Variants in GALNT17 observed in about 807,000 individuals in gnomAD.
GALNT17 encodes the protein polypeptide N-acetylgalactosaminyltransferase 17.
Under a neutral mutation model 63.7 loss-of-function variants are expected in GALNT17, and 29 were observed. That is an observed-to-expected ratio of 0.46 (90% CI 0.34 to 0.62). GALNT17 has a LOEUF of 0.62. GALNT17 is among the 20% of genes least tolerant of loss of function. GALNT17 has a pLI of 0.01. For synonymous variants in GALNT17, 305 were observed against 318.3 expected (o/e 0.96, Z 0.45); for missense variants, 603 against 799.6 (o/e 0.75, Z 2.97).
At chr7:71,474,720 C>G (rs1787695368) in intron 5 of GALNT17, among the ~76,000 whole-genome samples, 1 of 152,154 alleles carries the variant, frequency 6.6e-6, no homozygotes, top group Non-Finnish European at 1.5e-5. Flanking sequence ...GCAGCTATCC[C>G]TACAGCAATG....
At chr7:71,679,379 G>A (rs1346126724) in intron 9 of GALNT17, among the ~76,000 whole-genome samples, 4 of 152,150 alleles carry the variant, frequency 2.6e-5, no homozygotes, top group African/African-American at 9.7e-5. Context: ...GGGTGACAGA[G>A]TGAGACCTTG....
intron 1 of GALNT17, among the ~76,000 whole-genome samples, chr7:71,174,468 A>C (rs1405222241): frequency 6.6e-6 from 1 of 152,182 alleles, no homozygotes; most frequent in Non-Finnish European, 1.5e-5. Flanking sequence ...GTCCGTGTGA[A>C]GAGACCACTA....
At chr7:71,301,170 C>G (rs1791188823) in intron 1 of GALNT17, among the ~76,000 whole-genome samples, 1 of 151,586 alleles carries the variant, frequency 6.6e-6, no homozygotes, top group South Asian at 2.1e-4. Context: ...GCCTGTAGTC[C>G]CAGCTACTCG....
At chr7:71,199,699 AT>A (rs1186773290) in intron 1 of GALNT17, among the ~76,000 whole-genome samples, 31 of 134,642 alleles carry the variant, frequency 2.3e-4, no homozygotes, top group African/African-American at 6.0e-4. Flanking sequence ...CCATCCATCC[AT>A]CCATCCATCC....
At chr7:71,539,076 G>A (rs1467115220) in intron 5 of GALNT17, among the ~76,000 whole-genome samples, 3 of 152,130 alleles carry the variant, frequency 2.0e-5, no homozygotes, top group Non-Finnish European at 2.9e-5. Context: ...GATTCCAGGC[G>A]TGAGCCACCG....
rs114136107 is a variant in GALNT17 at position 71,425,743 on chromosome 7, G to A, written c.962+4638G>A. Among the ~76,000 whole-genome samples the A allele has an allele frequency of 4.0e-3, 611 of 152,080 alleles. 3 individuals carry two copies. Among genetic ancestry groups the A allele is most frequent in the African/African-American group, 0.014 (568 of 41,450 alleles). Reference sequence around the variant, plus strand: ...AGCTTTCATTTATGCAACTTACACCGGCAGTGGGCACCTGTGGTATGTATT... The same window carrying A: ...AGCTTTCATTTATGCAACTTACACCAGCAGTGGGCACCTGTGGTATGTATT... On this transcript the variant is annotated intron_variant, in intron 5 of 10. Transcript: ENST00000333538.
chr7:71,309,298 C>T (rs1791369070), intron 1 of GALNT17, among the ~76,000 whole-genome samples: 2 of 152,106 alleles, frequency 1.3e-5, no homozygotes, highest in South Asian at 4.2e-4. Flanking sequence ...TCCTGTTTGT[C>T]TTTCCAGCCT....
chr7:71,496,670 C>T (rs943649619), intron 5 of GALNT17, among the ~76,000 whole-genome samples: 3 of 152,086 alleles, frequency 2.0e-5, no homozygotes, highest in Non-Finnish European at 4.4e-5. Context: ...CTGTCCTAAG[C>T]CCCCAGCTGC....
intron 2 of GALNT17, among the ~76,000 whole-genome samples, chr7:71,384,695 G>A (rs996635698): frequency 6.6e-6 from 1 of 152,198 alleles, no homozygotes; most frequent in African/African-American, 2.4e-5. Flanking sequence ...CTGGTGTGAG[G>A]CTGTCATTGC....
At chr7:71,496,704 A>C (rs1163805443) in intron 5 of GALNT17, among the ~76,000 whole-genome samples, 2 of 152,036 alleles carry the variant, frequency 1.3e-5, no homozygotes, top group Non-Finnish European at 2.9e-5. Context: ...AAGAGCCATG[A>C]AAACAGAGTG....
intron 1 of GALNT17, among the ~76,000 whole-genome samples, chr7:71,305,631 G>A (rs917621969): frequency 1.3e-5 from 2 of 152,174 alleles, no homozygotes; most frequent in Non-Finnish European, 2.9e-5. Flanking sequence ...ACGGTGAGGG[G>A]ACGGGGGAGG....
intron 9 of GALNT17, among the ~76,000 whole-genome samples, chr7:71,689,366 A>C (rs1791408861): frequency 6.6e-6 from 1 of 152,240 alleles, no homozygotes; most frequent in Non-Finnish European, 1.5e-5. Context: ...GAAGGAAATT[A>C]AACATGCTAC....
intron 1 of GALNT17, among the ~76,000 whole-genome samples, chr7:71,327,426 C>T (rs558629242): frequency 1.3e-5 from 2 of 152,098 alleles, no homozygotes; most frequent in East Asian, 1.9e-4. Flanking sequence ...TTTACTACCA[C>T]GAGAACAGTA....
intron 9 of GALNT17, among the ~76,000 whole-genome samples, chr7:71,678,455 A>G (rs1233182613): frequency 6.6e-6 from 1 of 151,390 alleles, no homozygotes; most frequent in Non-Finnish European, 1.5e-5. Context: ...AAGTCAAATT[A>G]TCACCTGAGG....
At position 71,560,159 on chromosome 7, in the gene GALNT17, G is replaced by A. The variant is rs573175811; in HGVS notation, c.963-11126G>A. On this transcript the variant is annotated intron_variant, in intron 5 of 10. Coordinates refer to ENST00000333538, the MANE Select transcript of GALNT17 (RefSeq NM_022479.3). Reference sequence around the variant, plus strand: ...CAGTGAGCCAAGATCATGCCACTGCGGTCCAGCCCAGGGGACAGAGTGAGA... The same window carrying A: ...CAGTGAGCCAAGATCATGCCACTGCAGTCCAGCCCAGGGGACAGAGTGAGA... Among the ~76,000 whole-genome samples, 281 of 145,044 alleles carry A rather than the reference G, an allele frequency of 1.9e-3. 2 individuals are homozygous for A. The highest frequency in any genetic ancestry group is 6.4e-3 in the African/African-American group (251 of 38,938).
intron 5 of GALNT17, among the ~76,000 whole-genome samples, chr7:71,495,798 A>G (rs59920881): frequency 0.014 from 2,098 of 152,202 alleles, 53 homozygotes; most frequent in African/African-American, 0.048. Context: ...CCTGTCTCCA[A>G]TTGTATAGGG....
chr7:71,242,572 A>G (rs192355996), intron 1 of GALNT17, among the ~76,000 whole-genome samples: 2 of 152,194 alleles, frequency 1.3e-5, no homozygotes, highest in East Asian at 3.9e-4. Flanking sequence ...CTGGTCAGGG[A>G]TCACATTTCA....
chr7:71,447,750 T>C (rs1323909523), intron 5 of GALNT17, among the ~76,000 whole-genome samples: 1 of 152,204 alleles, frequency 6.6e-6, no homozygotes, highest in East Asian at 1.9e-4. Flanking sequence ...ACCATTGCCT[T>C]TCTGTTTGTT....
At chr7:71,420,766 TG>T in intron 4 of GALNT17, 141 bp from the exon 5 acceptor site, 1 of 967,550 alleles carries the variant, frequency 1.0e-6, no homozygotes, top group Non-Finnish European at 1.6e-6. Context: ...GGCAGGTCCC[TG>T]GGAGCCTCAG....
Sources: gnomAD v4.1 joint callset for allele counts (sites outside exome capture counted in the v4.1 genomes callset) on GRCh38, gnomAD v4.1.1 for gene constraint, MANE v1.5 for transcripts, NCBI Gene and HGNC (gene_info 2026-07-23, HGNC 2026-07-21) for gene names.